Variants in SPATA6L observed in about 807,000 individuals in gnomAD.
SPATA6L encodes spermatogenesis associated 6 like, also known as spermatogenesis associated 6-like protein.
In SPATA6L, 68 loss-of-function variants were observed where a neutral mutation model predicts 49.2. That is an observed-to-expected ratio of 1.38 (90% CI 1.14 to 1.69). The LOEUF (loss-of-function observed/expected upper bound fraction) is 1.69, where lower values mean the gene tolerates loss of function less well. Among genes scored for constraint, SPATA6L ranks in the 40% most tolerant of loss-of-function variants. The pLI, the probability that SPATA6L is intolerant of heterozygous loss-of-function variation, is 0.00. For missense variants in SPATA6L, 668 were observed against 464.3 expected (o/e 1.44, Z -4.03); for synonymous variants, 198 against 165.7 (o/e 1.19, Z -1.50).
chr9:4,655,513 C>A (rs10974712), intron 3 of SPATA6L, among the ~76,000 whole-genome samples: 2,683 of 151,886 alleles, frequency 0.018, 40 homozygotes, highest in Non-Finnish European at 0.027. Flanking sequence ...ATCATACTAT[C>A]CATCAAAGCC....
intron 9 of SPATA6L, chr9:4,617,281 G>A (rs973110741): frequency 7.2e-5 from 11 of 152,120 alleles, no homozygotes; most frequent in African/African-American, 2.7e-4. Context: ...TATTTTCAGT[G>A]CCACTTCCCC....
At chr9:4,609,501 C>G (rs1826137462) in intron 9 of SPATA6L, among the ~76,000 whole-genome samples, 1 of 152,084 alleles carries the variant, frequency 6.6e-6, no homozygotes, top group South Asian at 2.1e-4. Flanking sequence ...ATACGCAAAT[C>G]AATAAATGTA....
At chr9:4,636,350 C>T (rs1011528689) in intron 3 of SPATA6L, among the ~76,000 whole-genome samples, 1 of 152,070 alleles carries the variant, frequency 6.6e-6, no homozygotes, top group African/African-American at 2.4e-5. Context: ...TAATTTTTTA[C>T]AGTGACTTGT....
At chr9:4,614,380 C>T (rs1490825041) in intron 9 of SPATA6L, among the ~76,000 whole-genome samples, 1 of 152,128 alleles carries the variant, frequency 6.6e-6, no homozygotes, top group Non-Finnish European at 1.5e-5. Flanking sequence ...ATTAAGTTAG[C>T]AGAAAAGCAA....
chr9:4,632,595 C>CAAA (rs58418814), intron 4 of SPATA6L, among the ~76,000 whole-genome samples: 1,254 of 120,672 alleles, frequency 0.01, 27 homozygotes, highest in African/African-American at 0.035. Context: ...GACTCCATCT[C>CAAA]AAAAAAAAAA....
In SPATA6L at chr9:4,666,313, A is replaced by T. The variant is rs1840860820; in HGVS notation, c.-63T>A. The T allele has an allele frequency of 1.3e-6, 2 of 1,587,488 alleles. No homozygotes were observed. Among genetic ancestry groups the T allele is most frequent in the South Asian group, 2.2e-5 (2 of 90,028 alleles). ...TCCTTTTGTGCCGAGCCTTGGACCA[A>T]TTTTTCTTAGTTTAGCTGAATACCT... On this transcript the variant is annotated 5_prime_UTR_variant, in exon 1 of 12. It adds an upstream start codon to the 5' untranslated region. Transcript: ENST00000682582.
Position 4,629,125 on chromosome 9 carries a change from C to G in SPATA6L, c.395G>C (p.Arg132Thr), listed in dbSNP as rs1830932577. 1.9e-6 allele frequency: 3 copies of G among 1,611,846 alleles called. No individual in the cohort carries two copies. The highest frequency in any genetic ancestry group is 1.1e-5 in the South Asian group (1 of 90,926). ...KIEFSTRTAI[R>T]ECVFLHRNRF... The stretch of plus-strand genomic sequence containing the variant: ...GTTTCTATGCAGAAACACACATTCT[C>G]TGATGGCTGTCCTTGTAGAAAACTC... The change falls in exon 5 of 12, where the codon AGA becomes ACA. Residue 132 changes from arginine to threonine, a missense_variant. Transcript: ENST00000682582.
chr9:4,601,557 G>T (rs754784700), intron 11 of SPATA6L, among the ~76,000 whole-genome samples: 2 of 152,060 alleles, frequency 1.3e-5, no homozygotes, highest in Non-Finnish European at 2.9e-5. Flanking sequence ...TCAGACAATG[G>T]GACTCATTGT....
At chr9:4,606,737 C>CT (rs1214774403) in intron 9 of SPATA6L, among the ~76,000 whole-genome samples, 1 of 146,168 alleles carries the variant, frequency 6.8e-6, no homozygotes, top group Non-Finnish European at 1.5e-5. Flanking sequence ...AGCAGAGCGC[C>CT]TCTCCTCCTC....
chr9:4,613,518 T>C (rs1827262082), intron 9 of SPATA6L, among the ~76,000 whole-genome samples: 1 of 152,100 alleles, frequency 6.6e-6, no homozygotes, highest in South Asian at 2.1e-4. Flanking sequence ...CAACTCATAG[T>C]AAATGGAAGC....
chr9:4,651,733 G>T (rs528762221), intron 3 of SPATA6L, among the ~76,000 whole-genome samples: 1 of 152,120 alleles, frequency 6.6e-6, no homozygotes, highest in African/African-American at 2.4e-5. Flanking sequence ...TAGAAAAGGC[G>T]TGTGATAAAA....
intron 3 of SPATA6L, among the ~76,000 whole-genome samples, chr9:4,639,707 G>T (rs969301425): frequency 1.3e-5 from 2 of 152,200 alleles, no homozygotes; most frequent in South Asian, 2.1e-4. Context: ...CACAGACAGT[G>T]ACATCATCAA....
intron 5 of SPATA6L, chr9:4,626,664 T>G (rs1830409440): frequency 1.1e-6 from 1 of 951,754 alleles, no homozygotes; most frequent in African/African-American, 1.7e-5. Context: ...AATTAAATCT[T>G]TCTGTTACAG....
intron 9 of SPATA6L, 140 bp downstream of exon 9, chr9:4,617,783 A>C (rs762818188): frequency 1.7e-5 from 12 of 693,094 alleles, no homozygotes; most frequent in Non-Finnish European, 2.4e-5. Flanking sequence ...GGTAGATTTT[A>C]AAAGAAATAA....
Position 4,625,324 on chromosome 9 carries a change from C to T in SPATA6L, c.669+3G>A, listed in dbSNP as rs370601569. The stretch of plus-strand genomic sequence containing the variant: ...ATGCTCTAAAAAATAATTTTAGGCT[C>T]ACGTGTCTAACAACAAATGGAGGCT... On this transcript the variant is annotated splice_donor_region_variant and intron_variant, in intron 6 of 11. Transcript: ENST00000682582. 3.1e-6 allele frequency: 5 copies of T among 1,610,836 alleles called. No homozygotes were observed. The highest frequency in any genetic ancestry group is 4.2e-6 in the Non-Finnish European group (5 of 1,178,632).
At chr9:4,657,551 AAAAAG>A (rs931947360) in intron 2 of SPATA6L, among the ~76,000 whole-genome samples, 13 of 149,808 alleles carry the variant, frequency 8.7e-5, no homozygotes, top group African/African-American at 3.3e-4. Flanking sequence ...AAAAAAAAAG[AAAAAG>A]AAAAGAAAAA....
intron 3 of SPATA6L, among the ~76,000 whole-genome samples, chr9:4,642,631 A>C (rs746742643): frequency 1.1e-4 from 16 of 152,232 alleles, no homozygotes; most frequent in Non-Finnish European, 2.4e-4. Context: ...TCCCTATCAA[A>C]AGCCTCCTCA....
intron 3 of SPATA6L, 75 bp from the exon 4 acceptor site, chr9:4,635,474 A>T (rs1237230102): frequency 1.4e-6 from 2 of 1,445,642 alleles, no homozygotes; most frequent in Non-Finnish European, 1.8e-6. Flanking sequence ...GTTCAGGCAG[A>T]TGATGGCAGA....
intron 6 of SPATA6L, among the ~76,000 whole-genome samples, chr9:4,624,603 C>T (rs990927009): frequency 3.3e-5 from 5 of 152,016 alleles, no homozygotes; most frequent in Non-Finnish European, 7.4e-5. Flanking sequence ...TGGTGGGCAC[C>T]TGTAATCTCA....
Sources: gnomAD v4.1 joint callset for allele counts (sites outside exome capture counted in the v4.1 genomes callset) on GRCh38, gnomAD v4.1.1 for gene constraint, MANE v1.5 for transcripts, NCBI Gene and HGNC (gene_info 2026-07-23, HGNC 2026-07-21) for gene names.